Variants in SORCS2 observed in about 807,000 individuals in gnomAD.
SORCS2 encodes VPS10 domain-containing receptor SorCS2.
SORCS2 carries 100 observed loss-of-function variants against 141.6 expected under a neutral mutation model. The ratio of observed to expected loss-of-function variants is 0.71; its 90% confidence interval spans 0.60 to 0.83. The LOEUF is 0.83. SORCS2 is among the 40% of genes least tolerant of loss of function. The pLI is 0.00. For missense variants in SORCS2, 1,646 were observed against 1,560.2 expected (o/e 1.05, Z -0.93); for synonymous variants, 789 against 676.9 (o/e 1.17, Z -2.57).
chr4:7,638,889 A>T (rs1033444051), intron 4 of SORCS2, among the ~76,000 whole-genome samples: 1 of 152,144 alleles, frequency 6.6e-6, no homozygotes, highest in African/African-American at 2.4e-5. Context: ...CCTTTCCCTC[A>T]GTGTGGAATG....
intron 17 of SORCS2, among the ~76,000 whole-genome samples, chr4:7,716,075 AATTCATG>A (rs201245186): frequency 0.017 from 2,579 of 152,358 alleles, 67 homozygotes; most frequent in African/African-American, 0.059. Flanking sequence ...TGAAGGATTC[AATTCATG>A]TAAAATGTTA....
At chr4:7,214,396 C>G (rs1216485436) in intron 1 of SORCS2, among the ~76,000 whole-genome samples, 1 of 152,186 alleles carries the variant, frequency 6.6e-6, no homozygotes, top group Non-Finnish European at 1.5e-5. Context: ...CTGCCTCCCA[C>G]CATAGGATCA....
At chr4:7,297,833 TG>T (rs1717182935) in intron 1 of SORCS2, among the ~76,000 whole-genome samples, 1 of 152,184 alleles carries the variant, frequency 6.6e-6, no homozygotes, top group Non-Finnish European at 1.5e-5. Flanking sequence ...CCCAGGTGTC[TG>T]GGGCTTTGTG....
chr4:7,212,215 T>C (rs1053921086), intron 1 of SORCS2, among the ~76,000 whole-genome samples: 1 of 152,206 alleles, frequency 6.6e-6, no homozygotes, highest in Admixed American at 6.5e-5. Context: ...CCTGCCGGAA[T>C]TGTAGCCCAC....
At chr4:7,387,520 T>TAC (rs1284310924) in intron 1 of SORCS2, among the ~76,000 whole-genome samples, 3 of 48,646 alleles carry the variant, frequency 6.2e-5, no homozygotes, top group African/African-American at 1.9e-4. Context: ...TACACAGAGA[T>TAC]ACATATGCAC....
intron 1 of SORCS2, among the ~76,000 whole-genome samples, chr4:7,221,685 A>G (rs1560120892): frequency 6.6e-6 from 1 of 152,210 alleles, no homozygotes; most frequent in Non-Finnish European, 1.5e-5. Context: ...CCCACAGTCC[A>G]GGGATGGGAG....
At chr4:7,579,003 C>T (rs1287943215) in intron 3 of SORCS2, among the ~76,000 whole-genome samples, 1 of 152,188 alleles carries the variant, frequency 6.6e-6, no homozygotes, top group Non-Finnish European at 1.5e-5. Context: ...CTGTGCATCT[C>T]ACAGACTGGG....
chr4:7,451,295 G>GCA (rs1728449636), intron 2 of SORCS2, among the ~76,000 whole-genome samples: 1 of 152,236 alleles, frequency 6.6e-6, no homozygotes, highest in African/African-American at 2.4e-5. Context: ...CAGCAGCAGC[G>GCA]GCAGTGGGGC....
intron 2 of SORCS2, among the ~76,000 whole-genome samples, chr4:7,423,539 C>G (rs1041327836): frequency 6.6e-6 from 1 of 152,190 alleles, no homozygotes; most frequent in Non-Finnish European, 1.5e-5. Flanking sequence ...CCCAGCCTCC[C>G]TAAGTGCTGG....
intron 1 of SORCS2, among the ~76,000 whole-genome samples, chr4:7,271,323 C>T (rs1715113244): frequency 6.6e-6 from 1 of 152,200 alleles, no homozygotes; most frequent in Admixed American, 6.5e-5. Context: ...CAATTCAGCC[C>T]CTGTTCCTAT....
intron 1 of SORCS2, among the ~76,000 whole-genome samples, chr4:7,316,951 C>T (rs1036394066): frequency 2.6e-4 from 39 of 152,132 alleles, no homozygotes; most frequent in African/African-American, 9.4e-4. Flanking sequence ...AGAACCATCT[C>T]CCCTGACAGC....
intron 3 of SORCS2, among the ~76,000 whole-genome samples, chr4:7,571,824 G>C (rs1715418371): frequency 6.6e-6 from 1 of 152,200 alleles, no homozygotes; most frequent in Non-Finnish European, 1.5e-5. Context: ...GATGAAAAAG[G>C]ACAAACACAT....
rs186358277 is a variant in SORCS2 at position 7,741,369 on chromosome 4, C to T, written c.*1105C>T. 3.4e-3 allele frequency: 1,001 copies of T among 297,382 alleles called. 6 individuals carry two copies. Among genetic ancestry groups the T allele is most frequent in the African/African-American group, 0.017 (765 of 44,574 alleles). The allele number at this position is 297,382 out of a possible 1,614,324, so 18.4% of individuals were successfully genotyped here. ...AGGTGGCCGAACCCAGCCCTCTGCG[C>T]GCCAGTGCTGTGCGGTCTCCACACC... On this transcript the variant is annotated 3_prime_UTR_variant, in exon 27 of 27. Coordinates refer to ENST00000507866, the MANE Select transcript of SORCS2 (RefSeq NM_020777.3).
intron 2 of SORCS2, among the ~76,000 whole-genome samples, chr4:7,483,272 G>A (rs7667543): frequency 0.26 from 37,923 of 148,346 alleles, 5,868 homozygotes; most frequent in African/African-American, 0.45. Context: ...GAAGTGAACC[G>A]AGATTGGGCC....
chr4:7,211,429 GC>G (rs1376142052), intron 1 of SORCS2, among the ~76,000 whole-genome samples: 1 of 152,146 alleles, frequency 6.6e-6, no homozygotes, highest in Non-Finnish European at 1.5e-5. Context: ...TCACTCTGTT[GC>G]CCAGGCTGGA....
At chr4:7,528,617 G>A (rs551195250) in intron 2 of SORCS2, among the ~76,000 whole-genome samples, 1 of 152,128 alleles carries the variant, frequency 6.6e-6, no homozygotes, top group African/African-American at 2.4e-5. Flanking sequence ...GTAGAGACGA[G>A]GTTTCACCAT....
At chr4:7,391,343 C>T (rs866678469) in intron 1 of SORCS2, among the ~76,000 whole-genome samples, 44 of 152,288 alleles carry the variant, frequency 2.9e-4, no homozygotes, top group African/African-American at 7.2e-4. Context: ...GTTGTGGGTC[C>T]GAGGCTGGTT....
At chr4:7,498,226 G>C (rs1731751436) in intron 2 of SORCS2, among the ~76,000 whole-genome samples, 1 of 152,214 alleles carries the variant, frequency 6.6e-6, no homozygotes, top group Admixed American at 6.5e-5. Context: ...CCTGATGGCT[G>C]TGGGCCAACC....
intron 12 of SORCS2, among the ~76,000 whole-genome samples, chr4:7,700,873 C>T (rs943179636): frequency 1.3e-5 from 2 of 152,208 alleles, no homozygotes; most frequent in Non-Finnish European, 2.9e-5. Flanking sequence ...AGACAGAGTC[C>T]CCGTGGAAGG....
Sources: allele counts gnomAD v4.1 joint callset (sites outside exome capture counted in the v4.1 genomes callset), GRCh38; gene constraint gnomAD v4.1.1; transcripts MANE v1.5; gene names NCBI Gene and HGNC (gene_info 2026-07-23, HGNC 2026-07-21).